Variants in CCDC158 observed in about 807,000 individuals in gnomAD.
CCDC158 encodes coiled-coil domain containing 158, also known as coiled-coil domain-containing protein 158.
CCDC158 carries 116 observed loss-of-function variants against 138.6 expected under a neutral mutation model. The observed-to-expected ratio is 0.84, with a 90% confidence interval of 0.72 to 0.98. The LOEUF (loss-of-function observed/expected upper bound fraction) is 0.98. CCDC158 is among the 50% of genes least tolerant of loss of function. CCDC158 has a pLI of 0.00. For synonymous variants in CCDC158, 436 were observed against 442.4 expected, an observed-to-expected ratio of 0.99 and a Z score of 0.18; for missense variants, 1,265 against 1,306.1, an observed-to-expected ratio of 0.97 and a Z score of 0.48.
At chr4:76,361,201 G>T (rs551852921) in intron 13 of CCDC158, among the ~76,000 whole-genome samples, 5 of 152,206 alleles carry the variant, frequency 3.3e-5, no homozygotes, top group Non-Finnish European at 7.4e-5. Context: ...GTTTCCTGAG[G>T]CCTCCAAGCC....
At chr4:76,366,454 C>A (rs1439967611) in intron 12 of CCDC158, among the ~76,000 whole-genome samples, 1 of 151,616 alleles carries the variant, frequency 6.6e-6, no homozygotes, top group Non-Finnish European at 1.5e-5. Context: ...CCTATGAAAT[C>A]AATTTTTTTA....
rs1304922131 is a variant in CCDC158 at position 76,319,465 on chromosome 4, AATATATATATATATATATATATAT to A, written c.3277+3813_3277+3836del. ...AAAAAAAAAAAAAAAAAAAAAAAAA[AATATATATATATATATATATATAT>A]ATATATATATATATATATATGTCCA... is the stretch of plus-strand genomic sequence containing the variant. On this transcript the variant is annotated intron_variant, in intron 24 of 24. Transcript: ENST00000682701. 4.7e-3 allele frequency among the ~76,000 whole-genome samples: 104 copies of A among 22,244 alleles called. 2 individuals carry two copies. Among genetic ancestry groups the A allele is most frequent in the South Asian group, 0.033 (13 of 396 alleles). The allele number at this position is 22,244 out of a possible 152,430, so 14.6% of individuals were successfully genotyped here. A position where few individuals can be genotyped will look rare whatever the true frequency, so the allele number is the denominator to read the frequency against.
At chr4:76,330,583 T>C (rs552444975) in intron 21 of CCDC158, among the ~76,000 whole-genome samples, 1 of 152,266 alleles carries the variant, frequency 6.6e-6, no homozygotes, top group South Asian at 2.1e-4. Context: ...AAATGTGAAT[T>C]GAAAATACTT....
In CCDC158 at chr4:76,410,465, G is replaced by A. The variant is rs986138172; in HGVS notation, c.-74+1625C>T. The stretch of plus-strand genomic sequence containing the variant: ...CTCCCAAAGTGCTGGGATTACAGGC[G>A]TGAACCACCAGGCCTGGCCCAAGTT... On this transcript the variant is annotated intron_variant, in intron 2 of 24. Coordinates refer to ENST00000682701, the MANE Select transcript of CCDC158 (RefSeq NM_001394954.1). Among the ~76,000 whole-genome samples the A allele has an allele frequency of 7.9e-5, 12 of 152,156 alleles. No homozygotes were observed. The East Asian group carries it at 1.2e-3, about 15-fold the overall frequency.
chr4:76,398,511 A>G (rs1294213635), intron 3 of CCDC158, among the ~76,000 whole-genome samples: 1 of 152,002 alleles, frequency 6.6e-6, no homozygotes, highest in Non-Finnish European at 1.5e-5. Context: ...TACTGAAAAT[A>G]CAAAAAATTA....
In CCDC158 at chr4:76,351,714, C is replaced by A. The variant is rs890931536; in HGVS notation, c.2538+6G>T. On this transcript the variant is annotated splice_donor_region_variant and intron_variant, in intron 17 of 24. Coordinates refer to ENST00000682701, the MANE Select transcript of CCDC158 (RefSeq NM_001394954.1). ...TCGCTTAAACTAATATTTATGATGA[C>A]CTTACTTTTATATCCAAAGTGTGTT... The A allele has an allele frequency of 1.3e-6, 2 of 1,576,900 alleles. No homozygotes were observed. The highest frequency in any genetic ancestry group is 1.7e-5 in the Admixed American group (1 of 59,792).
At chr4:76,374,324 C>G (rs1039912816) in intron 9 of CCDC158, among the ~76,000 whole-genome samples, 1 of 152,144 alleles carries the variant, frequency 6.6e-6, no homozygotes, top group Non-Finnish European at 1.5e-5. Flanking sequence ...TCAGGAAAGA[C>G]TAAATCAGTA....
chr4:76,349,222 ACAT>A (rs773068802), intron 18 of CCDC158, among the ~76,000 whole-genome samples: 4 of 152,268 alleles, frequency 2.6e-5, no homozygotes, highest in Non-Finnish European at 5.9e-5. Context: ...TACTTGGGAA[ACAT>A]CAGTGAACAA....
At chr4:76,323,184 A>T (rs1720197758) in intron 24 of CCDC158, 118 bp downstream of exon 24, 2 of 672,832 alleles carry the variant, frequency 3.0e-6, no homozygotes, top group Non-Finnish European at 2.5e-6. Context: ...TTTAGACTTC[A>T]GTTTACAGTT....
chr4:76,388,941 A>G (rs2136051), intron 4 of CCDC158, among the ~76,000 whole-genome samples: 90,040 of 152,048 alleles, frequency 0.59, 27,829 homozygotes, highest in East Asian at 0.79. Flanking sequence ...AAACCATAGC[A>G]TTATTGGGCT....
intron 4 of CCDC158, among the ~76,000 whole-genome samples, chr4:76,394,274 T>C (rs924463589): frequency 6.6e-6 from 1 of 152,156 alleles, no homozygotes; most frequent in Non-Finnish European, 1.5e-5. Flanking sequence ...GTGGTACTTA[T>C]AAACAGTGGA....
At chr4:76,351,472 C>T (rs1267596771) in intron 17 of CCDC158, among the ~76,000 whole-genome samples, 1 of 151,110 alleles carries the variant, frequency 6.6e-6, no homozygotes, top group Non-Finnish European at 1.5e-5. Flanking sequence ...CCTTCACTCA[C>T]CTATTTTAAA....
chr4:76,356,463 T>C (rs2110193172), intron 14 of CCDC158: 1 of 152,272 alleles, frequency 6.6e-6, no homozygotes, highest in East Asian at 1.9e-4. Flanking sequence ...ATAATTGTAA[T>C]GTCCCTGGGG....
chr4:76,358,110 G>A (rs1462420374), intron 13 of CCDC158, among the ~76,000 whole-genome samples: 8 of 152,008 alleles, frequency 5.3e-5, no homozygotes, highest in South Asian at 4.1e-4. Context: ...AGATGTCCTC[G>A]TGCCACCTGA....
At chr4:76,371,391 A>T (rs932158121) in intron 10 of CCDC158, 26 bp downstream of exon 10, 6 of 1,609,496 alleles carry the variant, frequency 3.7e-6, no homozygotes, top group Middle Eastern at 3.3e-4. Context: ...AATTAGTCTT[A>T]TTCATATTTT....
At chr4:76,351,312 AAC>A (rs1463499381) in intron 17 of CCDC158, among the ~76,000 whole-genome samples, 191 bp from the exon 18 acceptor site, 1 of 152,040 alleles carries the variant, frequency 6.6e-6, no homozygotes, top group Non-Finnish European at 1.5e-5. Context: ...TTAAAAAAAA[AAC>A]GTTTTGTCAT....
At chr4:76,371,808 G>A (rs1419880044) in intron 9 of CCDC158, among the ~76,000 whole-genome samples, 1 of 151,936 alleles carries the variant, frequency 6.6e-6, no homozygotes, top group African/African-American at 2.4e-5. Flanking sequence ...CATGGTAGTG[G>A]GCGCCTGTAA....
intron 19 of CCDC158, among the ~76,000 whole-genome samples, chr4:76,333,094 G>A (rs1721146304): frequency 1.3e-5 from 2 of 152,170 alleles, no homozygotes; most frequent in South Asian, 2.1e-4. Flanking sequence ...CTGACATTAT[G>A]TGCTTCAGAT....
At chr4:76,416,092 G>C (rs1201261994) in intron 1 of CCDC158, among the ~76,000 whole-genome samples, 1 of 152,166 alleles carries the variant, frequency 6.6e-6, no homozygotes, top group Non-Finnish European at 1.5e-5. Flanking sequence ...ATTAGTGAAA[G>C]TACTAGAAGT....
Sources: gnomAD v4.1 joint callset for allele counts (sites outside exome capture counted in the v4.1 genomes callset) on GRCh38, gnomAD v4.1.1 for gene constraint, MANE v1.5 for transcripts, NCBI Gene and HGNC (gene_info 2026-07-23, HGNC 2026-07-21) for gene names.